The following KATNAL2 variants were observed in gnomAD, a reference collection of about 807,000 sequenced individuals.
The protein encoded by KATNAL2 is katanin catalytic subunit A1 like 2.
Under a neutral mutation model 76.3 loss-of-function variants are expected in KATNAL2, and 52 were observed. The ratio of observed to expected loss-of-function variants is 0.68; its 90% confidence interval spans 0.55 to 0.86. The LOEUF (loss-of-function observed/expected upper bound fraction) is 0.86. Ranked by LOEUF, KATNAL2 falls within the 40% of genes least tolerant of loss-of-function variation. The probability of loss-of-function intolerance (pLI) is 0.00; values close to 1 mark genes in which losing one functional copy is unlikely to be tolerated. For synonymous variants in KATNAL2, 243 were observed against 244.2 expected (o/e 1.00, Z 0.05); for missense variants, 660 against 668.9 (o/e 0.99, Z 0.15).
chr18:46,944,024 T>G (rs2059317864), intron 1 of KATNAL2, among the ~76,000 whole-genome samples: 1 of 152,260 alleles, frequency 6.6e-6, no homozygotes, highest in African/African-American at 2.4e-5. Flanking sequence ...ATTTCTCATT[T>G]ATCTTGTCTG....
intron 3 of KATNAL2, chr18:47,032,887 A>G: frequency 1.3e-6 from 2 of 1,581,820 alleles, no homozygotes; most frequent in Non-Finnish European, 1.7e-6. Flanking sequence ...TCAAAGGCTC[A>G]ACTTTGCACC....
chr18:47,050,172 T>C (rs1283830404), intron 4 of KATNAL2, among the ~76,000 whole-genome samples: 1 of 152,076 alleles, frequency 6.6e-6, no homozygotes, highest in African/African-American at 2.4e-5. Context: ...CCACCATGCC[T>C]GGCCTAAGGA....
intron 15 of KATNAL2, among the ~76,000 whole-genome samples, chr18:47,096,392 AG>A (rs1309554678): frequency 3.9e-5 from 6 of 152,126 alleles, no homozygotes; most frequent in Admixed American, 2.6e-4. Context: ...CTCAGGCTGG[AG>A]TGCAATAGTA....
intron 1 of KATNAL2, among the ~76,000 whole-genome samples, chr18:46,944,503 T>TG: frequency 6.6e-6 from 1 of 151,718 alleles, no homozygotes; most frequent in South Asian, 2.1e-4. Flanking sequence ...GGCCAAGGGG[T>TG]GGGGGTGGAT....
chr18:46,939,296 G>GCACTCCAGCCTGAGCGGCAGAATGAGAC (rs1445478097), intron 1 of KATNAL2, among the ~76,000 whole-genome samples: 1 of 150,870 alleles, frequency 6.6e-6, no homozygotes, highest in East Asian at 2.0e-4. Flanking sequence ...TTGTGCCACT[G>GCACTCCAGCCTGAGCGGCAGAATGAGAC]CACTCCAGCC....
At chr18:46,946,806 G>T (rs1380440107) in intron 2 of KATNAL2, 48 bp from the exon 3 acceptor site, 1 of 1,481,988 alleles carries the variant, frequency 6.7e-7, no homozygotes, top group Non-Finnish European at 9.1e-7. Flanking sequence ...CAGGTTCCTT[G>T]GATCGACCGG....
chr18:47,065,947 A>G (rs908354653), intron 10 of KATNAL2, among the ~76,000 whole-genome samples: 8 of 152,162 alleles, frequency 5.3e-5, no homozygotes, highest in South Asian at 4.1e-4. Context: ...CCTGGGCTAC[A>G]GAGCGAGACC....
chr18:46,953,304 C>T (rs1382375172), intron 3 of KATNAL2, among the ~76,000 whole-genome samples: 1 of 151,990 alleles, frequency 6.6e-6, no homozygotes, highest in Non-Finnish European at 1.5e-5. Context: ...GGATATTTTC[C>T]TCAAAAGTCA....
At chr18:47,038,194 AGT>A (rs1415362462) in intron 3 of KATNAL2, among the ~76,000 whole-genome samples, 3 of 152,236 alleles carry the variant, frequency 2.0e-5, no homozygotes, top group Non-Finnish European at 2.9e-5. Context: ...TTCTTTCAAA[AGT>A]ATGATCAACA....
At chr18:46,933,802 C>T (rs2059007772) in intron 1 of KATNAL2, among the ~76,000 whole-genome samples, 1 of 116,654 alleles carries the variant, frequency 8.6e-6, no homozygotes. Context: ...TCCCCCCACC[C>T]CATAACAGTC....
At chr18:46,961,622 G>T (rs2059958113) in intron 3 of KATNAL2, among the ~76,000 whole-genome samples, 1 of 152,174 alleles carries the variant, frequency 6.6e-6, no homozygotes, top group Non-Finnish European at 1.5e-5. Context: ...TTAAACCTCT[G>T]CCAAACCTAT....
At chr18:47,090,397 G>A (rs28702976) in intron 15 of KATNAL2, among the ~76,000 whole-genome samples, 8 of 151,826 alleles carry the variant, frequency 5.3e-5, no homozygotes, top group Non-Finnish European at 7.4e-5. Context: ...AGGAGCCACC[G>A]CGCCCAGCCC....
intron 13 of KATNAL2, among the ~76,000 whole-genome samples, chr18:47,072,014 A>C (rs1416532830): frequency 9.2e-6 from 1 of 108,926 alleles, no homozygotes; most frequent in African/African-American, 3.6e-5. Context: ...TCTGTCACCC[A>C]GGCTGGAGTG....
chr18:46,967,806 G>A (rs1262013088), intron 3 of KATNAL2, among the ~76,000 whole-genome samples: 2 of 114,832 alleles, frequency 1.7e-5, no homozygotes, highest in Non-Finnish European at 3.9e-5. Flanking sequence ...TTCTTTCACA[G>A]GGGTTCTGGC....
Position 47,097,118 on chromosome 18 carries a change from C to CAA in KATNAL2, c.1212-2104_1212-2103dup, listed in dbSNP as rs58101085. Among the ~76,000 whole-genome samples the CAA allele has an allele frequency of 6.7e-3, 477 of 70,834 alleles. 4 individuals are homozygous for CAA. The highest frequency in any genetic ancestry group is 0.027 in the East Asian group (78 of 2,868). 46.5% of individuals were successfully genotyped at this position (70,834 alleles called of 152,430 possible). ...TGGGCAACAGAGGAAGACCCTGGCTCAAAAAAAAAAAAAAAAAAAAAATCC... is the reference window on the plus strand; with the variant it reads ...TGGGCAACAGAGGAAGACCCTGGCTCAAAAAAAAAAAAAAAAAAAAAAAATCC... On this transcript the variant is annotated intron_variant, in intron 15 of 17. Coordinates refer to ENST00000683218, the MANE Select transcript of KATNAL2 (RefSeq NM_001387690.1).
rs112920514 is a variant in KATNAL2, at chr18:47,034,612, T to C, written c.52-11845T>C. The C allele has an allele frequency of 1.7e-5, 27 of 1,614,054 alleles. 1 individual carries two copies. Among genetic ancestry groups the C allele is most frequent in the Middle Eastern group, 1.6e-4 (1 of 6,080 alleles). ...CCCCTTGCTGTGGCTCACAACGGCT[T>C]TCCCCTGGGGTTGGCCCTGGCAGCC... On this transcript the variant is annotated intron_variant, in intron 3 of 17. Coordinates refer to ENST00000683218, the MANE Select transcript of KATNAL2 (RefSeq NM_001387690.1).
chr18:47,067,040 C>A lies in KATNAL2; in HGVS notation c.746C>A (p.Pro249Gln). The change falls in exon 11 of 18, where the codon CCA becomes CAA. Residue 249 changes from proline to glutamine, a missense_variant. Coordinates refer to ENST00000683218, the MANE Select transcript of KATNAL2 (RefSeq NM_001387690.1). ...TTGCAGGACATTTATCTCCATAATC[C>A]AAACATAAAGTGGAATGACATTATT... ...VVSRDIYLHN[P>Q]NIKWNDIIGL... The A allele has an allele frequency of 6.3e-7, 1 of 1,587,058 alleles. No homozygotes were observed. The highest frequency in any genetic ancestry group is 8.6e-7 in the Non-Finnish European group (1 of 1,161,884).
chr18:47,060,859 T>G (rs2147141189), intron 8 of KATNAL2, among the ~76,000 whole-genome samples: 1 of 152,338 alleles, frequency 6.6e-6, no homozygotes, highest in South Asian at 2.1e-4. Context: ...TGTCTCCTTG[T>G]TCACCTTCAC....
intron 15 of KATNAL2, among the ~76,000 whole-genome samples, chr18:47,087,266 G>A (rs1375821139): frequency 6.6e-6 from 1 of 152,114 alleles, no homozygotes; most frequent in Non-Finnish European, 1.5e-5. Flanking sequence ...AAAGTGAGTA[G>A]TCTTCACAAT....
Sources: allele counts gnomAD v4.1 joint callset (sites outside exome capture counted in the v4.1 genomes callset), GRCh38; gene constraint gnomAD v4.1.1; transcripts MANE v1.5; gene names NCBI Gene and HGNC (gene_info 2026-07-23, HGNC 2026-07-21).